The following LRP1B variants were observed in gnomAD, a reference collection of about 807,000 sequenced individuals.
The protein encoded by LRP1B is low-density lipoprotein receptor-related protein 1B.
In LRP1B, 217 loss-of-function variants were observed where a neutral mutation model predicts 556.6. The observed-to-expected ratio is 0.39, with a 90% CI of 0.35 to 0.44. The LOEUF is 0.44. LRP1B is among the 20% of genes least tolerant of loss of function. The pLI is 1.00. For missense variants in LRP1B, 5,053 were observed against 5,620.8 expected (o/e 0.90, Z 3.23); for synonymous variants, 2,047 against 1,865.8 (o/e 1.10, Z -2.50).
rs1054230629 is a variant in LRP1B at position 141,348,474 on chromosome 2, TAATA to T, written c.344-93837_344-93834del. Among the ~76,000 whole-genome samples the T allele has an allele frequency of 2.3e-4, 35 of 152,120 alleles. 1 individual carries two copies. Among genetic ancestry groups the T allele is most frequent in the African/African-American group, 8.2e-4 (34 of 41,500 alleles). On this transcript the variant is annotated intron_variant, in intron 3 of 90. Transcript: ENST00000389484. ...ATAGGTATTAATCAACATTTATTAT[TAATA>T]ATTAGTATTATTAATATCATTTGGG...
chr2:141,356,964 A>C (rs566339604), intron 3 of LRP1B, among the ~76,000 whole-genome samples: 1 of 152,334 alleles, frequency 6.6e-6, no homozygotes, highest in Non-Finnish European at 1.5e-5. Context: ...ATGATATGAA[A>C]TGATCATTTG....
chr2:140,701,931 C>T lies in LRP1B; in HGVS notation c.6303-86G>A, dbSNP rs2105427231. On this transcript the variant is annotated intron_variant, in intron 39 of 90. Coordinates refer to ENST00000389484, the MANE Select transcript of LRP1B (RefSeq NM_018557.3). ...ACTTAAGCTGAAGATAACAGATGGA[C>T]CAACAGAAGGGAAAGAAACCAACTT... The T allele has an allele frequency of 2.0e-6, 3 of 1,535,446 alleles. No individual in the cohort carries two copies. The South Asian group carries it at 3.5e-5, about 18-fold the overall frequency.
intron 32 of LRP1B, among the ~76,000 whole-genome samples, chr2:140,780,534 T>A (rs1689661820): frequency 6.6e-6 from 1 of 152,122 alleles, no homozygotes; most frequent in Admixed American, 6.6e-5. Context: ...CACCCCTAAC[T>A]GATTGTGCCA....
At position 140,813,711 on chromosome 2, in the gene LRP1B, C is replaced by T. The variant is rs2105036350; in HGVS notation, c.5305G>A (p.Val1769Ile). The stretch of plus-strand genomic sequence containing the variant: ...AATTCTTCTTTCATTGACTCGATTA[C>T]TTCTAAATTACCACCATCCAGGTTG... The part of the protein sequence containing the change: ...RCNLDGGNLE[V>I]IESMKEELTK... Residue 1769 changes from valine to isoleucine, a missense_variant, in exon 32 of 91, where the codon GTA (valine) becomes ATA (isoleucine). This residue lies in a region of LRP1B where 3,619 missense variants were observed against 3,931.9 expected (regional missense o/e 0.92). Transcript: ENST00000389484. 1.9e-6 allele frequency: 3 copies of T among 1,612,840 alleles called. No homozygotes were observed. The highest frequency in any genetic ancestry group is 2.5e-6 in the Non-Finnish European group (3 of 1,179,020).
At chr2:141,963,313 T>C (rs1268581402) in intron 1 of LRP1B, among the ~76,000 whole-genome samples, 1 of 151,884 alleles carries the variant, frequency 6.6e-6, no homozygotes, top group East Asian at 1.9e-4. Context: ...CAATTGTATG[T>C]TTTAATATTG....
At chr2:142,028,800 T>C (rs527931515) in intron 1 of LRP1B, among the ~76,000 whole-genome samples, 1 of 151,958 alleles carries the variant, frequency 6.6e-6, no homozygotes, top group South Asian at 2.1e-4. Flanking sequence ...TGAGTTATAA[T>C]TTCTTCATGC....
rs1179187791 is a variant in LRP1B, at chr2:141,392,758, G to C, written c.343+87638C>G. Among the ~76,000 whole-genome samples the C allele has an allele frequency of 3.3e-5, 5 of 152,294 alleles. No homozygotes were observed. The South Asian group carries it at 1.0e-3, about 32-fold the overall frequency. On this transcript the variant is annotated intron_variant, in intron 3 of 90. Coordinates refer to ENST00000389484, the MANE Select transcript of LRP1B (RefSeq NM_018557.3). ...AAATTCTCCCTCTCAGAGGGACTTA[G>C]TGAGATCAGACTACAATTCTGGGAA...
chr2:140,518,684 T>G (rs1690022057), intron 49 of LRP1B, among the ~76,000 whole-genome samples: 1 of 152,172 alleles, frequency 6.6e-6, no homozygotes, highest in Admixed American at 6.5e-5. Context: ...TATTTTATTC[T>G]CTTTGTAACA....
intron 71 of LRP1B, among the ~76,000 whole-genome samples, chr2:140,368,945 A>C (rs1052008072): frequency 1.2e-4 from 18 of 151,902 alleles, no homozygotes; most frequent in Non-Finnish European, 2.1e-4. Context: ...GCAGCAAAGA[A>C]AACCAAGTTA....
At chr2:141,212,249 ATTTTTTTTTTTTTTTTTTTTTTTTTTTTT>A (rs59699046) in intron 6 of LRP1B, among the ~76,000 whole-genome samples, 10 of 62,226 alleles carry the variant, frequency 1.6e-4, no homozygotes, top group African/African-American at 2.6e-4. Flanking sequence ...AAAAGTCTAG[ATTTTTTTTTTTTTTTTTTTTTTTTTTTTT>A]TTTTTTTTTT....
chr2:141,063,908 A>G (rs965088160), intron 7 of LRP1B, among the ~76,000 whole-genome samples: 3 of 151,828 alleles, frequency 2.0e-5, no homozygotes, highest in Non-Finnish European at 4.4e-5. Context: ...TCTGGCTATC[A>G]TGTGATGTGT....
rs1684830338 is a variant in LRP1B at position 141,264,889 on chromosome 2, G to A, written c.344-10248C>T. ...CCTGGTCAAGCCTTGGGAGGCTGAG[G>A]CTATAGAGTTTCATCCATCAACCTT... On this transcript the variant is annotated intron_variant, in intron 3 of 90. Coordinates refer to ENST00000389484, the MANE Select transcript of LRP1B (RefSeq NM_018557.3). Among the ~76,000 whole-genome samples the A allele has an allele frequency of 2.0e-5, 3 of 152,174 alleles. 1 individual carries two copies. The highest frequency in any genetic ancestry group is 7.2e-5 in the African/African-American group (3 of 41,454).
chr2:140,932,459 A>G (rs1396574430), intron 20 of LRP1B, among the ~76,000 whole-genome samples: 1 of 152,150 alleles, frequency 6.6e-6, no homozygotes, highest in Non-Finnish European at 1.5e-5. Context: ...TAGTTGCAAC[A>G]GGCAAAGCCT....
chr2:140,597,728 T>C (rs1299083144), intron 43 of LRP1B, among the ~76,000 whole-genome samples: 1 of 152,194 alleles, frequency 6.6e-6, no homozygotes, highest in Non-Finnish European at 1.5e-5. Flanking sequence ...AAAACTTTAT[T>C]TGAATACTGT....
intron 41 of LRP1B, among the ~76,000 whole-genome samples, chr2:140,691,450 G>A (rs1462350875): frequency 1.4e-5 from 2 of 145,510 alleles, no homozygotes; most frequent in African/African-American, 5.1e-5. Context: ...AGGCTGGATT[G>A]CAATCCAGCC....
intron 1 of LRP1B, among the ~76,000 whole-genome samples, chr2:141,822,112 C>CAG (rs1477958846): frequency 9.9e-5 from 11 of 111,648 alleles, no homozygotes; most frequent in African/African-American, 1.3e-4. Context: ...CACACACACA[C>CAG]ACACACACAC....
At chr2:141,207,503 T>C (rs1381653218) in intron 6 of LRP1B, among the ~76,000 whole-genome samples, 2 of 152,232 alleles carry the variant, frequency 1.3e-5, no homozygotes, top group African/African-American at 4.8e-5. Context: ...TAAAGGTTTC[T>C]TTGTTGCTGT....
At chr2:140,605,144 C>T (rs1682822575) in intron 41 of LRP1B, among the ~76,000 whole-genome samples, 1 of 152,122 alleles carries the variant, frequency 6.6e-6, no homozygotes, top group African/African-American at 2.4e-5. Flanking sequence ...TTGTGTACTA[C>T]CTTCTTACTT....
intron 43 of LRP1B, among the ~76,000 whole-genome samples, chr2:140,550,084 C>A (rs1406276128): frequency 2.0e-5 from 3 of 152,032 alleles, no homozygotes; most frequent in Non-Finnish European, 4.4e-5. Context: ...TCAACTCCTG[C>A]TTATGAGTAA....
Sources: gnomAD v4.1 joint callset for allele counts (sites outside exome capture counted in the v4.1 genomes callset) on GRCh38, gnomAD v4.1.1 for gene constraint, gnomAD v4.1.1 regional missense constraint, MANE v1.5 for transcripts, NCBI Gene and HGNC (gene_info 2026-07-23, HGNC 2026-07-21) for gene names.